Variants in ALS2CL observed in about 807,000 individuals in gnomAD.
The protein encoded by ALS2CL is ALS2 C-terminal-like protein.
ALS2CL carries 112 observed loss-of-function variants against 127.9 expected under a neutral mutation model. That is an observed-to-expected ratio of 0.88 (90% CI 0.75 to 1.02). The LOEUF is 1.02. Among genes scored for constraint, ALS2CL ranks in the 50% least tolerant of loss-of-function variants. ALS2CL has a pLI of 0.00. For missense variants in ALS2CL, 1,174 were observed against 1,236.7 expected (o/e 0.95, Z 0.76); for synonymous variants, 519 against 527.6 (o/e 0.98, Z 0.22).
chr3:46,687,742 C>T, intron 3 of ALS2CL, 58 bp from the exon 4 acceptor site: 5 of 1,533,468 alleles, frequency 3.3e-6, no homozygotes, highest in South Asian at 2.5e-5. Context: ...GACCTAAGCC[C>T]CTGGTCCCTG....
chr3:46,683,423 CCCTCCA>C, intron 9 of ALS2CL, 97 bp from the exon 10 acceptor site: 1 of 1,198,574 alleles, frequency 8.3e-7, no homozygotes, highest in Middle Eastern at 2.7e-4. Flanking sequence ...ACCCCCTCCA[CCCTCCA>C]CCTCCTACTC....
Position 46,669,853 on chromosome 3 carries a change from G to A in ALS2CL, c.*1131C>T, listed in dbSNP as rs1028247636. ...GACTCAGGTGTGGCTGGGCTTTCCA[G>A]AGCCTCCCTCAACCCTCCCCTCACA... On this transcript the variant is annotated 3_prime_UTR_variant, in exon 26 of 26. Coordinates refer to ENST00000318962, the MANE Select transcript of ALS2CL (RefSeq NM_147129.5). The A allele has an allele frequency of 1.3e-5, 2 of 152,252 alleles. No individual in the cohort carries two copies. Among genetic ancestry groups the A allele is most frequent in the African/African-American group, 4.8e-5 (2 of 41,424 alleles). 9.4% of individuals were successfully genotyped at this position (152,252 alleles called of 1,614,324 possible).
Position 46,676,120 on chromosome 3 carries a change from A to T in ALS2CL, c.2186+125T>A. 2.7e-6 allele frequency: 4 copies of T among 1,459,710 alleles called. No homozygotes were observed. The South Asian group carries it at 4.0e-5, about 15-fold the overall frequency. The allele number at this position is 1,459,710 out of a possible 1,614,324, so 90.4% of individuals were successfully genotyped here. On this transcript the variant is annotated intron_variant, in intron 19 of 25. Coordinates refer to ENST00000318962, the MANE Select transcript of ALS2CL (RefSeq NM_147129.5). ...TTTGCTCAGCAGCTGCACACTGACC[A>T]AGCCTCTGGTTCATTGTTGAATCAG... is the stretch of plus-strand genomic sequence containing the variant.
chr3:46,691,536 C>T (rs1700152943), intron 1 of ALS2CL, among the ~76,000 whole-genome samples: 1 of 152,024 alleles, frequency 6.6e-6, no homozygotes. Context: ...TCCTGTCCCT[C>T]GTCCCCACTG....
rs745755253 is a variant in ALS2CL, at chr3:46,681,287, C to T, written c.1395G>A (p.Arg465=). 2 of 1,614,014 alleles carry T rather than the reference C, an allele frequency of 1.2e-6. No individual in the cohort carries two copies. Among genetic ancestry groups the T allele is most frequent in the South Asian group, 1.1e-5 (1 of 91,084 alleles). Residue 465 remains arginine (R), a synonymous_variant, in exon 13 of 26, where the codon AGG becomes AGA. Coordinates refer to ENST00000318962, the MANE Select transcript of ALS2CL (RefSeq NM_147129.5). This position sits in a 1 kb window ranked among gnomAD's most constrained non-coding sequence, Gnocchi z 4.9. The part of the protein sequence containing the change: ...QPFRYTGHWE[R]GQRSGYGIEE... ...CAATGCCATAGCCGCTCCTCTGGCC[C>T]CTCTCCCAGTGGCCCGTGTACCTGA... is the stretch of plus-strand genomic sequence containing the variant.
Position 46,686,872 on chromosome 3 carries a change from G to T in ALS2CL, c.534+111C>A. ...CAACCCTCTCCCACCTGCCGGCATG[G>T]CTGAGTCCTTCTTGTACTAGGGTTC... On this transcript the variant is annotated intron_variant, in intron 5 of 25. Transcript: ENST00000318962. This position sits in a 1 kb window ranked among gnomAD's most constrained non-coding sequence, Gnocchi z 4.3. The T allele has an allele frequency of 7.9e-7, 1 of 1,270,586 alleles. No homozygotes were observed. Among genetic ancestry groups the T allele is most frequent in the Non-Finnish European group, 1.0e-6 (1 of 965,126 alleles). The allele number at this position is 1,270,586 out of a possible 1,614,324, so 78.7% of individuals were successfully genotyped here.
At position 46,672,160 on chromosome 3, in the gene ALS2CL, G is replaced by C. The variant is rs377241827; in HGVS notation, c.2514C>G (p.Thr838=). 10 of 1,614,082 alleles carry C rather than the reference G, an allele frequency of 6.2e-6. No homozygotes were observed. Among genetic ancestry groups the C allele is most frequent in the Non-Finnish European group, 8.5e-6 (10 of 1,180,028 alleles). Residue 838 remains threonine (T), a synonymous_variant, in exon 23 of 26, where the codon ACC becomes ACG. Transcript: ENST00000318962. ...CTCACATGATCTTCTGCAGGCACTCGGTGGCTGACAGGAAACACTTGTCCC... is the reference window on the plus strand; with the variant it reads ...CTCACATGATCTTCTGCAGGCACTCCGTGGCTGACAGGAAACACTTGTCCC... ...LVRDKCFLSA[T]ECLQKIMTTV...
intron 6 of ALS2CL, among the ~76,000 whole-genome samples, chr3:46,685,933 C>A (rs973276005): frequency 2.0e-5 from 3 of 152,226 alleles, no homozygotes; most frequent in African/African-American, 7.2e-5. Context: ...ATTCTCGTTC[C>A]TCTACCTAGT....
chr3:46,677,507 C>T (rs1052627213), intron 16 of ALS2CL: 19 of 636,584 alleles, frequency 3.0e-5, no homozygotes, highest in East Asian at 2.8e-4. Flanking sequence ...ACACGCAGCC[C>T]ACACTCACAC....
chr3:46,685,415 T>A, intron 7 of ALS2CL, 110 bp downstream of exon 7: 1 of 1,522,786 alleles, frequency 6.6e-7, no homozygotes, highest in Non-Finnish European at 8.9e-7. Flanking sequence ...TGACCATCCC[T>A]CCCAGCCCAC....
intron 7 of ALS2CL, among the ~76,000 whole-genome samples, chr3:46,684,348 G>T (rs892493026): frequency 2.0e-5 from 3 of 152,052 alleles, no homozygotes; most frequent in Admixed American, 2.0e-4. Context: ...ACCTCTCTAT[G>T]GCTCCTACTG....
chr3:46,683,300 C>G lies in ALS2CL; in HGVS notation c.939G>C (p.Trp313Cys). 6.3e-7 allele frequency: 1 copy of G among 1,595,614 alleles called. No individual in the cohort carries two copies. The highest frequency in any genetic ancestry group is 1.1e-5 in the South Asian group (1 of 88,742). ...GQAVWQWKVT[W>C]AVHQALHGKK... ...TCCCATGCAGGGCCTGGTGAACAGC[C>G]CAGGTCACCTTCCACTGCCAGACTG... The change falls in exon 10 of 26, where the codon TGG becomes TGC. Residue 313 changes from tryptophan to cysteine, a missense_variant. Coordinates refer to ENST00000318962, the MANE Select transcript of ALS2CL (RefSeq NM_147129.5).
chr3:46,681,122 G>A lies in ALS2CL; in HGVS notation c.1436+124C>T, dbSNP rs1355821316. On this transcript the variant is annotated intron_variant, in intron 13 of 25. Coordinates refer to ENST00000318962, the MANE Select transcript of ALS2CL (RefSeq NM_147129.5). The surrounding 1 kb of genome is among the most constrained non-coding windows in gnomAD (Gnocchi z 4.9). ...TCCGCAGCAACCGAGGGACTGGAGG[G>A]GAAGTGAGGGGCTTAAGAGAGACAC... 1.4e-6 allele frequency: 2 copies of A among 1,450,952 alleles called. No individual in the cohort carries two copies. Among genetic ancestry groups the A allele is most frequent in the Non-Finnish European group, 1.9e-6 (2 of 1,039,796 alleles). The allele number at this position is 1,450,952 out of a possible 1,614,324, so 89.9% of individuals were successfully genotyped here.
chr3:46,687,241 TCCCAGGGCCAGC>T, intron 4 of ALS2CL, 93 bp from the exon 5 acceptor site: 1 of 1,375,924 alleles, frequency 7.3e-7, no homozygotes, highest in Non-Finnish European at 9.6e-7. Flanking sequence ...TCCCCTCAGA[TCCCAGGGCCAGC>T]CCCAGGCCCA....
At position 46,688,267 on chromosome 3, in the gene ALS2CL, C is replaced by T; in HGVS notation, c.133G>A (p.Glu45Lys). The change falls in exon 3 of 26, where the codon GAG becomes AAG. Residue 45 changes from glutamate to lysine, a missense_variant. Transcript: ENST00000318962. ...AGCTGTTGCAAGAGCCGCAGGCACT[C>T]TCTGCCCCAGGGATCCGAGGGATCT... Reference protein sequence around the residue: ...APDPSDPWGRECLRLLQQLHK... With the variant: ...APDPSDPWGRKCLRLLQQLHK... 6.2e-7 allele frequency: 1 copy of T among 1,612,476 alleles called. No individual in the cohort carries two copies. The highest frequency in any genetic ancestry group is 8.5e-7 in the Non-Finnish European group (1 of 1,179,834).
chr3:46,676,078 C>T (rs71327087), intron 19 of ALS2CL, 167 bp downstream of exon 19: 7 of 1,359,720 alleles, frequency 5.1e-6, no homozygotes, highest in East Asian at 5.0e-5. Context: ...GCTCTCACCT[C>T]CCCACCCTCT....
In ALS2CL at chr3:46,681,236, G is replaced by C; in HGVS notation, c.1436+10C>G. 1 of 1,613,676 alleles carries C rather than the reference G, an allele frequency of 6.2e-7. No homozygotes were observed. Among genetic ancestry groups the C allele is most frequent in the African/African-American group, 1.3e-5 (1 of 75,024 alleles). Reference sequence around the variant, plus strand: ...CTCCGTCCTGGGAGTGGTGGCTGCAGGGCGCTCACCTGTCACCATCCTCCT... The same window carrying C: ...CTCCGTCCTGGGAGTGGTGGCTGCACGGCGCTCACCTGTCACCATCCTCCT... On this transcript the variant is annotated intron_variant, in intron 13 of 25. Transcript: ENST00000318962. The surrounding 1 kb of genome is among the most constrained non-coding windows in gnomAD (Gnocchi z 4.9).
intron 19 of ALS2CL, chr3:46,676,014 G>GCAGC (rs1698784890): frequency 7.1e-7 from 1 of 1,415,612 alleles, no homozygotes; most frequent in South Asian, 1.5e-5. Context: ...GTCAGAGTCA[G>GCAGC]CCCAGCGCCT....
intron 2 of ALS2CL, among the ~76,000 whole-genome samples, chr3:46,688,845 A>C (rs1699975563): frequency 6.6e-6 from 1 of 152,200 alleles, no homozygotes; most frequent in African/African-American, 2.4e-5. Context: ...CCAGTTTTTT[A>C]CCCTGGGAAA....
Sources: allele counts gnomAD v4.1 joint callset (sites outside exome capture counted in the v4.1 genomes callset), GRCh38; gene constraint gnomAD v4.1.1; non-coding constraint Gnocchi (gnomAD v3.1); transcripts MANE v1.5; gene names NCBI Gene and HGNC (gene_info 2026-07-23, HGNC 2026-07-21).